Variants in UBE2L3 observed in about 807,000 individuals in gnomAD.
UBE2L3 encodes the protein ubiquitin conjugating enzyme E2 L3.
A neutral mutation model predicts 17.8 loss-of-function variants in UBE2L3; 1 was observed. That is an observed-to-expected ratio of 0.06 (90% CI 0.02 to 0.27). UBE2L3 has a LOEUF of 0.27. Among genes scored for constraint, UBE2L3 ranks in the 10% least tolerant of loss-of-function variants. The pLI is 1.00. For synonymous variants in UBE2L3, 44 were observed against 68.5 expected (o/e 0.64, Z 1.76); for missense variants, 40 against 192.6 (o/e 0.21, Z 4.69).
In UBE2L3 at chr22:21,593,008, G is replaced by A. The variant is rs762886909; in HGVS notation, c.123+52G>A. The A allele has an allele frequency of 2.0e-6, 3 of 1,528,130 alleles. No homozygotes were observed. In the South Asian group the frequency reaches 3.4e-5, roughly 17 times the overall value. The allele number at this position is 1,528,130 out of a possible 1,614,324, so 94.7% of individuals were successfully genotyped here. ...ACCAGATTATTCTTTAAGGTGATGTGTGTGCTGTTGGGCTTGTTTTTCTGC... is the reference window on the plus strand; with the variant it reads ...ACCAGATTATTCTTTAAGGTGATGTATGTGCTGTTGGGCTTGTTTTTCTGC... On this transcript the variant is annotated intron_variant, in intron 2 of 3. Coordinates refer to ENST00000342192, the MANE Select transcript of UBE2L3 (RefSeq NM_003347.4).
At chr22:21,594,070 C>T (rs1248486635) in intron 2 of UBE2L3, among the ~76,000 whole-genome samples, 2 of 152,248 alleles carry the variant, frequency 1.3e-5, no homozygotes, top group African/African-American at 4.8e-5. Flanking sequence ...GCTACCTCAG[C>T]TCACACCCTT....
At chr22:21,560,446 ATTTTTT>A (rs59968738) in intron 1 of UBE2L3, among the ~76,000 whole-genome samples, 32 of 126,226 alleles carry the variant, frequency 2.5e-4, no homozygotes, top group African/African-American at 8.8e-4. Context: ...CTTTAGATCT[ATTTTTT>A]TTTTTTTTTT....
chr22:21,611,527 G>A (rs1006300894), intron 3 of UBE2L3, among the ~76,000 whole-genome samples: 13 of 152,334 alleles, frequency 8.5e-5, no homozygotes, highest in Non-Finnish European at 1.8e-4. Flanking sequence ...TGAGGGGAGG[G>A]ACAGAGGCAG....
At chr22:21,571,887 A>G (rs572593127) in intron 1 of UBE2L3, among the ~76,000 whole-genome samples, 160 of 152,276 alleles carry the variant, frequency 1.1e-3, no homozygotes, top group African/African-American at 3.5e-3. Flanking sequence ...TAGAGCAATG[A>G]GTATGTCACA....
intron 2 of UBE2L3, 139 bp from the exon 3 acceptor site, chr22:21,610,718 C>T (rs1032654054): frequency 2.1e-6 from 2 of 955,360 alleles, no homozygotes; most frequent in East Asian, 2.9e-5. Context: ...CTGGGTTGTC[C>T]TGAAGGTGGC....
intron 1 of UBE2L3, among the ~76,000 whole-genome samples, chr22:21,588,892 G>A (rs1277015748): frequency 1.3e-5 from 2 of 151,970 alleles, no homozygotes; most frequent in Non-Finnish European, 2.9e-5. Context: ...TTGAACTCCT[G>A]ACCTCGTGAT....
intron 1 of UBE2L3, among the ~76,000 whole-genome samples, chr22:21,552,076 G>GAGCTAAGA (rs1381001807): frequency 1.4e-5 from 2 of 145,614 alleles, no homozygotes; most frequent in Admixed American, 6.8e-5. Flanking sequence ...TGTGGCTTGG[G>GAGCTAAGA]AGCTAAGAAG....
intron 1 of UBE2L3, among the ~76,000 whole-genome samples, chr22:21,570,038 C>T (rs1926872140): frequency 6.6e-6 from 1 of 152,210 alleles, no homozygotes; most frequent in Non-Finnish European, 1.5e-5. Flanking sequence ...ACTCTGTGAG[C>T]CCGTGCTCCC....
chr22:21,597,718 C>T (rs5754300), intron 2 of UBE2L3, among the ~76,000 whole-genome samples: 1 of 125,434 alleles, frequency 8.0e-6, no homozygotes, highest in East Asian at 2.6e-4. Context: ...GAGTTTTCTT[C>T]TAAGAGTTTT....
upstream of UBE2L3, among the ~76,000 whole-genome samples, chr22:21,566,538 A>T (rs1926647645): frequency 6.6e-6 from 1 of 151,666 alleles, no homozygotes; most frequent in Non-Finnish European, 1.5e-5. Flanking sequence ...GTGAGCTGTT[A>T]TCGTGCCACT....
Position 21,601,464 on chromosome 22 carries a change from C to T in UBE2L3, c.123+8508C>T, listed in dbSNP as rs542334877. On this transcript the variant is annotated intron_variant, in intron 2 of 3. Transcript: ENST00000342192. ...AGTAGCTGGGATTACAGGCGTGTACCACTACGCCTGGCTAATTTTTTTGTA... is the reference window on the plus strand; with the variant it reads ...AGTAGCTGGGATTACAGGCGTGTACTACTACGCCTGGCTAATTTTTTTGTA... Among the ~76,000 whole-genome samples the T allele has an allele frequency of 7.3e-5, 11 of 151,714 alleles. No individual in the cohort carries two copies. In the South Asian group the frequency reaches 2.1e-3, roughly 29 times the overall value.
At chr22:21,621,281 A>G (rs911257624) in intron 3 of UBE2L3, among the ~76,000 whole-genome samples, 1 of 152,196 alleles carries the variant, frequency 6.6e-6, no homozygotes, top group African/African-American at 2.4e-5. Flanking sequence ...ACTGTGAACA[A>G]TTATCCACTG....
At chr22:21,595,450 G>T (rs567343884) in intron 2 of UBE2L3, among the ~76,000 whole-genome samples, 10 of 152,312 alleles carry the variant, frequency 6.6e-5, no homozygotes, top group African/African-American at 2.4e-4. Flanking sequence ...CTGCCCAGTT[G>T]GGGTAAAAGT....
At chr22:21,579,115 C>T (rs10427833) in intron 1 of UBE2L3, among the ~76,000 whole-genome samples, 12,088 of 151,830 alleles carry the variant, frequency 0.08, 1,670 homozygotes, top group African/African-American at 0.28. Context: ...CTCAGCCTCC[C>T]GAGTAGCTGG....
At position 21,610,970 on chromosome 22, in the gene UBE2L3, C is replaced by T. The variant is rs536574840; in HGVS notation, c.237C>T (p.Ile79=). 35 of 1,613,324 alleles carry T rather than the reference C, an allele frequency of 2.2e-5. 1 individual carries two copies. The South Asian group carries it at 2.5e-4, about 12-fold the overall frequency. The part of the protein sequence containing the change: ...TFKTKIYHPN[I]DEKGQVCLPV... ...AAACAAAGATCTATCACCCAAACAT[C>T]GACGAAAAGGGGCAGGTCTGTCTGC... The change falls in exon 3 of 4, where the codon ATC becomes ATT. Residue 79 remains isoleucine, a synonymous_variant. Coordinates refer to ENST00000342192, the MANE Select transcript of UBE2L3 (RefSeq NM_003347.4).
chr22:21,564,194 C>T (rs1382282325), upstream of UBE2L3, among the ~76,000 whole-genome samples: 1 of 152,002 alleles, frequency 6.6e-6, no homozygotes, highest in Non-Finnish European at 1.5e-5. Context: ...TCACACCTGG[C>T]TAATTCTTTT....
chr22:21,581,209 C>G (rs1927616536), intron 1 of UBE2L3, among the ~76,000 whole-genome samples: 1 of 152,210 alleles, frequency 6.6e-6, no homozygotes, highest in African/African-American at 2.4e-5. Context: ...GTGAACACTA[C>G]CATGCACAGC....
At chr22:21,566,354 C>T (rs1047130610), upstream of UBE2L3, among the ~76,000 whole-genome samples, 2 of 151,712 alleles carry the variant, frequency 1.3e-5, no homozygotes, top group African/African-American at 4.8e-5. Flanking sequence ...GAGGTTGCGG[C>T]GGGAGGACTG....
intron 2 of UBE2L3, among the ~76,000 whole-genome samples, chr22:21,599,412 C>G (rs916628087): frequency 3.3e-5 from 5 of 152,110 alleles, no homozygotes; most frequent in African/African-American, 1.2e-4. Flanking sequence ...GAGTATCCCC[C>G]TACATTGATG....
Sources: allele counts gnomAD v4.1 joint callset (sites outside exome capture counted in the v4.1 genomes callset), GRCh38; gene constraint gnomAD v4.1.1; transcripts MANE v1.5; gene names NCBI Gene and HGNC (gene_info 2026-07-23, HGNC 2026-07-21).